SLC35F4: variants seen among roughly 807,000 people sequenced by gnomAD.
The protein encoded by SLC35F4 is chromosome 14 open reading frame 36.
Under a neutral mutation model 44.2 loss-of-function variants are expected in SLC35F4, and 24 were observed. The observed-to-expected ratio is 0.54, with a 90% CI of 0.39 to 0.76. SLC35F4 has a LOEUF of 0.76. SLC35F4 is among the 30% of genes least tolerant of loss of function. The pLI, the probability that SLC35F4 is intolerant of heterozygous loss-of-function variation, is 0.00. For missense variants in SLC35F4, 562 were observed against 586.1 expected, an observed-to-expected ratio of 0.96 and a Z score of 0.42; for synonymous variants, 238 against 223.6, an observed-to-expected ratio of 1.06 and a Z score of -0.57.
chr14:57,597,345 A>G (rs978637954), intron 1 of SLC35F4, among the ~76,000 whole-genome samples: 3 of 152,290 alleles, frequency 2.0e-5, no homozygotes, highest in East Asian at 1.9e-4. Context: ...ATCTTGGGCC[A>G]TTTTCATTAT....
chr14:57,848,578 T>C (rs1886237309), intron 1 of SLC35F4, among the ~76,000 whole-genome samples: 1 of 152,322 alleles, frequency 6.6e-6, no homozygotes, highest in Non-Finnish European at 1.5e-5. Context: ...GACAAGCTCT[T>C]TTGGGAGATG....
chr14:57,949,211 G>C (rs1890089979), intron 1 of SLC35F4, among the ~76,000 whole-genome samples: 1 of 152,148 alleles, frequency 6.6e-6, no homozygotes, highest in African/African-American at 2.4e-5. Flanking sequence ...AGTAGCTTCA[G>C]TGTTAGGTGC....
chr14:57,736,842 C>T (rs2076477088), intron 1 of SLC35F4, among the ~76,000 whole-genome samples: 1 of 152,154 alleles, frequency 6.6e-6, no homozygotes. Flanking sequence ...CAAATGGGAA[C>T]TTACCCTAAG....
rs60521934 is a variant in SLC35F4 at position 57,587,870 on chromosome 14, CAAAAAAAA to C, written c.587+1338_587+1345del. On this transcript the variant is annotated intron_variant, in intron 3 of 7. Transcript: ENST00000556826. ...AAGAATAATTAGTACATGCACCTTC[CAAAAAAAA>C]AAAAAAAAAAGAAAATGGTAGTTGA... 2.3e-3 allele frequency among the ~76,000 whole-genome samples: 289 copies of C among 125,010 alleles called. 1 individual carries two copies. The highest frequency in any genetic ancestry group is 9.0e-3 in the Middle Eastern group (2 of 222). 82.0% of individuals were successfully genotyped at this position (125,010 alleles called of 152,430 possible). A position where few individuals can be genotyped will look rare whatever the true frequency, so the allele number is the denominator to read the frequency against.
At chr14:57,820,164 C>T (rs1046753586) in intron 1 of SLC35F4, among the ~76,000 whole-genome samples, 1 of 152,064 alleles carries the variant, frequency 6.6e-6, no homozygotes, top group Non-Finnish European at 1.5e-5. Flanking sequence ...AAACTTGAAA[C>T]ATTTAAAAGC....
intron 3 of SLC35F4, among the ~76,000 whole-genome samples, chr14:57,584,562 C>T (rs2069550215): frequency 6.6e-6 from 1 of 152,126 alleles, no homozygotes. Context: ...AGAACATTCC[C>T]TTCAGAGATA....
In SLC35F4 at chr14:57,740,413, T is replaced by C. The variant is rs561612341; in HGVS notation, c.103+125310A>G. Among the ~76,000 whole-genome samples, 5 of 152,332 alleles carry C rather than the reference T, an allele frequency of 3.3e-5. No homozygotes were observed. In the South Asian group the frequency reaches 1.0e-3, roughly 32 times the overall value. On this transcript the variant is annotated intron_variant, in intron 1 of 7. Coordinates refer to ENST00000556826, the MANE Select transcript of SLC35F4 (RefSeq NM_001306087.2). ...ATTTTGTCTCCAAATAGGCTGGAACTCTTAAGGTACTTAAACTTTACTCAC... is the reference window on the plus strand; with the variant it reads ...ATTTTGTCTCCAAATAGGCTGGAACCCTTAAGGTACTTAAACTTTACTCAC...
rs1160251871 is a variant in SLC35F4, at chr14:57,594,123, A to G, written c.105T>C (p.Ser35=). The G allele has an allele frequency of 1.9e-6, 3 of 1,613,106 alleles. No homozygotes were observed. Among genetic ancestry groups the G allele is most frequent in the Admixed American group, 3.3e-5 (2 of 59,868 alleles). The part of the protein sequence containing the change: ...GYYPGYSSQK[S]TSRSSVTRCK... ...ATCTAGTGACTGATGATCTGGAGGT[A>G]CCTGGAAAGACAGAGTTCACGCCAG... Residue 35 remains serine (S), a splice_region_variant and synonymous_variant, in exon 2 of 8, where the codon AGT becomes AGC. Coordinates refer to ENST00000556826, the MANE Select transcript of SLC35F4 (RefSeq NM_001306087.2).
chr14:57,608,838 T>C (rs562127849), intron 1 of SLC35F4, among the ~76,000 whole-genome samples: 45 of 145,506 alleles, frequency 3.1e-4, no homozygotes, highest in African/African-American at 1.2e-3. Flanking sequence ...AATACAGAAA[T>C]CAAAGGAACA....
chr14:57,834,409 G>A (rs1046587628), intron 1 of SLC35F4, among the ~76,000 whole-genome samples: 1 of 152,172 alleles, frequency 6.6e-6, no homozygotes, highest in African/African-American at 2.4e-5. Flanking sequence ...TTATTACAGT[G>A]CAAATAGTGT....
chr14:57,850,309 C>T lies in SLC35F4; in HGVS notation c.103+15414G>A, dbSNP rs541469087. ...CCTTACACATCAGCATGTAGTGGCA[C>T]CTGAAATACTGTCAGTAATCCTACA... On this transcript the variant is annotated intron_variant, in intron 1 of 7. Transcript: ENST00000556826. 1.6e-4 allele frequency among the ~76,000 whole-genome samples: 25 copies of T among 152,238 alleles called. 1 individual carries two copies. In the South Asian group the frequency reaches 5.0e-3, roughly 30 times the overall value.
chr14:57,938,567 G>GA (rs1275579947), intron 1 of SLC35F4, among the ~76,000 whole-genome samples: 1 of 152,124 alleles, frequency 6.6e-6, no homozygotes, highest in African/African-American at 2.4e-5. Context: ...AAATGCAAAA[G>GA]AAAAAATGTT....
chr14:57,960,482 C>T (rs1890318278), intron 1 of SLC35F4, among the ~76,000 whole-genome samples: 1 of 152,184 alleles, frequency 6.6e-6, no homozygotes, highest in South Asian at 2.1e-4. Flanking sequence ...TATTATTCTG[C>T]TGACCTCTAC....
chr14:57,902,003 G>C (rs1044369946), intron 1 of SLC35F4, among the ~76,000 whole-genome samples: 1 of 152,160 alleles, frequency 6.6e-6, no homozygotes, highest in Non-Finnish European at 1.5e-5. Flanking sequence ...TTGATTAAAT[G>C]TTCCCTGGAA....
chr14:57,823,625 C>G (rs1883414232), intron 1 of SLC35F4, among the ~76,000 whole-genome samples: 1 of 152,116 alleles, frequency 6.6e-6, no homozygotes, highest in African/African-American at 2.4e-5. Context: ...GAACTAATGA[C>G]TCTGGCTCTA....
In SLC35F4 at chr14:57,593,995, T is replaced by C. The variant is rs1414751580; in HGVS notation, c.233A>G (p.Gln78Arg). Residue 78 changes from glutamine (Q) to arginine (R), a missense_variant, in exon 2 of 8, where the codon CAA (glutamine) becomes CGA (arginine). By Grantham distance (43) the Gln-to-Arg change is conservative. Transcript: ENST00000556826. ...ACAAACTCCTGAGGATCCTTGGTTT[T>C]GAAGTTCAAGAATAGGAGCAGAGGA... ...EDSSAPILEL[Q>R]NQGSSGVCGH... The C allele has an allele frequency of 6.2e-6, 10 of 1,613,944 alleles. No individual in the cohort carries two copies. In the South Asian group the frequency reaches 8.8e-5, roughly 14 times the overall value.
At chr14:57,855,027 T>C (rs1298711032) in intron 1 of SLC35F4, among the ~76,000 whole-genome samples, 1 of 152,162 alleles carries the variant, frequency 6.6e-6, no homozygotes, top group Non-Finnish European at 1.5e-5. Flanking sequence ...AAGCAAAAAG[T>C]GAGCATGGTT....
chr14:57,620,996 A>C (rs1326585584), intron 1 of SLC35F4, among the ~76,000 whole-genome samples: 2 of 151,796 alleles, frequency 1.3e-5, no homozygotes, highest in Admixed American at 1.3e-4. Context: ...AAGGTACAAA[A>C]ATCACAAGCA....
chr14:57,692,575 G>A (rs2075267437), intron 1 of SLC35F4, among the ~76,000 whole-genome samples: 1 of 151,796 alleles, frequency 6.6e-6, no homozygotes, highest in Admixed American at 6.6e-5. Flanking sequence ...AGATTCCCTG[G>A]CACTCTCCTG....
Sources: gnomAD v4.1 joint callset for allele counts (sites outside exome capture counted in the v4.1 genomes callset) on GRCh38, gnomAD v4.1.1 for gene constraint, MANE v1.5 for transcripts, NCBI Gene and HGNC (gene_info 2026-07-23, HGNC 2026-07-21) for gene names.